NHSL1: variants seen among roughly 807,000 people sequenced by gnomAD.
NHSL1 encodes the protein NHS like 1.
Under a neutral mutation model 95.0 loss-of-function variants are expected in NHSL1, and 48 were observed. That is an observed-to-expected ratio of 0.51 (90% CI 0.40 to 0.64). NHSL1 has a LOEUF of 0.64. NHSL1 is among the 30% of genes least tolerant of loss of function. The pLI, the probability that NHSL1 is intolerant of heterozygous loss-of-function variation, is 0.00. For missense variants in NHSL1, 1,971 were observed against 2,077.7 expected (o/e 0.95, Z 1.00); for synonymous variants, 783 against 833.9 (o/e 0.94, Z 1.05).
intron 1 of NHSL1, among the ~76,000 whole-genome samples, chr6:138,508,690 C>T (rs142776963): frequency 2.6e-4 from 39 of 152,284 alleles, no homozygotes; most frequent in Non-Finnish European, 5.1e-4. Context: ...CTTGATCCTC[C>T]GCTTACCCAC....
At chr6:138,534,589 C>T (rs1343973558) in intron 1 of NHSL1, among the ~76,000 whole-genome samples, 3 of 152,158 alleles carry the variant, frequency 2.0e-5, no homozygotes, top group Non-Finnish European at 4.4e-5. Flanking sequence ...TAAGTTAGTT[C>T]TCTAACTTCT....
chr6:138,499,144 CACACACACACACACAG>C (rs1450783130), intron 1 of NHSL1, 73 bp downstream of exon 1: 3 of 846,684 alleles, frequency 3.5e-6, no homozygotes, highest in Non-Finnish European at 5.6e-6. Flanking sequence ...GACACACACA[CACACACACACACACAG>C]ACACACAGGG....
chr6:138,591,757 G>T (rs548338416), intron 1 of NHSL1, among the ~76,000 whole-genome samples: 1 of 152,268 alleles, frequency 6.6e-6, no homozygotes, highest in African/African-American at 2.4e-5. Context: ...AATTGAGCGC[G>T]GTTCTAAGTC....
At chr6:138,583,775 T>G (rs907451603) in intron 1 of NHSL1, among the ~76,000 whole-genome samples, 1 of 152,212 alleles carries the variant, frequency 6.6e-6, no homozygotes, top group African/African-American at 2.4e-5. Flanking sequence ...CTGGCTTGAT[T>G]AGATACAGAG....
intron 1 of NHSL1, among the ~76,000 whole-genome samples, chr6:138,534,853 G>C (rs1782274053): frequency 6.6e-6 from 1 of 152,142 alleles, no homozygotes; most frequent in African/African-American, 2.4e-5. Context: ...CATCAAACAA[G>C]AACACGACTC....
At chr6:138,663,059 C>G (rs1446394672) in intron 1 of NHSL1, among the ~76,000 whole-genome samples, 2 of 21,992 alleles carry the variant, frequency 9.1e-5, no homozygotes, top group African/African-American at 8.7e-4. Context: ...ACCGAACTCA[C>G]GGCAAAAAAA....
intron 1 of NHSL1, among the ~76,000 whole-genome samples, chr6:138,671,820 C>T (rs1420241764): frequency 2.0e-5 from 3 of 152,156 alleles, no homozygotes; most frequent in African/African-American, 7.2e-5. Context: ...GAAAAGCAAT[C>T]GTGTTTGATG....
At chr6:138,572,097 G>A in exon 1 of NHSL1, 1 of 562,004 alleles carries the variant, frequency 1.8e-6, no homozygotes, top group South Asian at 2.6e-5. Flanking sequence ...GGAAAAGGAG[G>A]GGTTAAGAAA....
At chr6:138,426,318 A>C (rs1775259521) in intron 7 of NHSL1, among the ~76,000 whole-genome samples, 1 of 152,176 alleles carries the variant, frequency 6.6e-6, no homozygotes, top group Non-Finnish European at 1.5e-5. Context: ...GGGACAAATT[A>C]CCCATGCATG....
At chr6:138,545,154 C>G (rs1782740819) in intron 1 of NHSL1, among the ~76,000 whole-genome samples, 1 of 151,788 alleles carries the variant, frequency 6.6e-6, no homozygotes, top group African/African-American at 2.4e-5. Context: ...CCACGCCCAG[C>G]CTAGAAGTAT....
intron 1 of NHSL1, among the ~76,000 whole-genome samples, chr6:138,668,719 G>A (rs549955986): frequency 3.0e-4 from 45 of 151,054 alleles, no homozygotes; most frequent in Non-Finnish European, 5.8e-4. Context: ...CCGCCTCCCG[G>A]GTTAAGCGAT....
chr6:138,650,839 G>A, intron 1 of NHSL1: 1 of 541,168 alleles, frequency 1.8e-6, no homozygotes, highest in South Asian at 1.4e-5. Context: ...ATGCTACCCA[G>A]GTCACAGTGA....
At chr6:138,634,166 A>G (rs956900197) in intron 1 of NHSL1, among the ~76,000 whole-genome samples, 1 of 152,162 alleles carries the variant, frequency 6.6e-6, no homozygotes, top group Non-Finnish European at 1.5e-5. Context: ...GAAGACCATA[A>G]AACAACCAGA....
intron 1 of NHSL1, among the ~76,000 whole-genome samples, chr6:138,642,615 A>C (rs528431124): frequency 6.6e-6 from 1 of 152,338 alleles, no homozygotes; most frequent in Admixed American, 6.5e-5. Context: ...AGGAGTTCAG[A>C]CTTGGCTTTT....
Position 138,482,749 on chromosome 6 carries a change from C to T in NHSL1, c.212-9316G>A, listed in dbSNP as rs184257928. Among the ~76,000 whole-genome samples the T allele has an allele frequency of 1.1e-3, 168 of 152,224 alleles. 1 individual carries two copies. Among genetic ancestry groups the T allele is most frequent in the African/African-American group, 3.6e-3 (149 of 41,526 alleles). On this transcript the variant is annotated intron_variant, in intron 2 of 7. Coordinates refer to ENST00000343505, the MANE Select transcript of NHSL1 (RefSeq NM_001144060.2). ...AGAAGAGCAGCAGCAGTCAAGAGCA[C>T]CAACTCTGAAACTGGGTAGCTGTGT... is the stretch of plus-strand genomic sequence containing the variant.
intron 1 of NHSL1, among the ~76,000 whole-genome samples, chr6:138,579,661 T>C (rs1415608927): frequency 6.6e-6 from 1 of 152,228 alleles, no homozygotes; most frequent in African/African-American, 2.4e-5. Flanking sequence ...ACATTCTACC[T>C]GATAATCCAC....
At chr6:138,665,178 T>C (rs1388098358) in intron 1 of NHSL1, among the ~76,000 whole-genome samples, 1 of 152,244 alleles carries the variant, frequency 6.6e-6, no homozygotes, top group Non-Finnish European at 1.5e-5. Context: ...TATTTCTATT[T>C]CTAGTAACAC....
intron 1 of NHSL1, among the ~76,000 whole-genome samples, chr6:138,651,785 C>A (rs1785096284): frequency 6.6e-6 from 1 of 152,118 alleles, no homozygotes; most frequent in Non-Finnish European, 1.5e-5. Context: ...GAGGTGCCCA[C>A]TGGAAATCAC....
At chr6:138,680,935 A>G (rs577803803) in intron 1 of NHSL1, among the ~76,000 whole-genome samples, 2 of 152,316 alleles carry the variant, frequency 1.3e-5, no homozygotes, top group African/African-American at 4.8e-5. Flanking sequence ...CTTTCTTAAT[A>G]TAGGAAAGGC....
Sources: gnomAD v4.1 joint callset for allele counts (sites outside exome capture counted in the v4.1 genomes callset) on GRCh38, gnomAD v4.1.1 for gene constraint, MANE v1.5 for transcripts, NCBI Gene and HGNC (gene_info 2026-07-23, HGNC 2026-07-21) for gene names.